Variants in PTPRD observed in about 807,000 individuals in gnomAD.
PTPRD encodes the protein protein tyrosine phosphatase receptor type D.
In PTPRD, 34 loss-of-function variants were observed where a neutral mutation model predicts 214.5. The ratio of observed to expected loss-of-function variants is 0.16; its 90% CI spans 0.12 to 0.21. The LOEUF is 0.21. Ranked by LOEUF, PTPRD falls within the 10% of genes least tolerant of loss-of-function variation. The probability of loss-of-function intolerance (pLI) is 1.00; values close to 1 mark genes in which losing one functional copy is unlikely to be tolerated. For missense variants in PTPRD, 2,545 were observed against 2,398.7 expected (o/e 1.06, Z -1.27); for synonymous variants, 1,128 against 845.7 (o/e 1.33, Z -5.79).
chr9:8,453,577 C>A (rs1257864199), intron 33 of PTPRD, among the ~76,000 whole-genome samples: 2 of 152,194 alleles, frequency 1.3e-5, no homozygotes, highest in East Asian at 1.9e-4. Flanking sequence ...CTAGAGATGT[C>A]CACACAAAGA....
chr9:10,167,547 A>G (rs2154294412), intron 3 of PTPRD, among the ~76,000 whole-genome samples: 1 of 152,284 alleles, frequency 6.6e-6, no homozygotes, highest in South Asian at 2.1e-4. Flanking sequence ...TCTTTTCTGA[A>G]CTGTAATTTT....
chr9:10,012,905 G>C (rs947169199), intron 4 of PTPRD, among the ~76,000 whole-genome samples: 6 of 151,716 alleles, frequency 4.0e-5, no homozygotes, highest in African/African-American at 1.5e-4. Flanking sequence ...AAATCAATGA[G>C]CATGAGATTA....
chr9:9,725,283 G>A (rs1328135668), intron 7 of PTPRD, among the ~76,000 whole-genome samples: 3 of 149,428 alleles, frequency 2.0e-5, no homozygotes, highest in Non-Finnish European at 3.0e-5. Context: ...GAGATCTGAC[G>A]GTATTAAAAA....
At chr9:8,425,536 C>T (rs1446703070) in intron 35 of PTPRD, among the ~76,000 whole-genome samples, 1 of 152,200 alleles carries the variant, frequency 6.6e-6, no homozygotes, top group Non-Finnish European at 1.5e-5. Flanking sequence ...ATGCACAGAT[C>T]CCTCAGCCTG....
intron 11 of PTPRD, among the ~76,000 whole-genome samples, chr9:8,740,234 T>G (rs2154444279): frequency 6.6e-6 from 1 of 152,266 alleles, no homozygotes; most frequent in East Asian, 1.9e-4. Flanking sequence ...AATATCCAAG[T>G]AGAAATAGTG....
chr9:9,869,137 G>A (rs1218773669), intron 5 of PTPRD, among the ~76,000 whole-genome samples: 1 of 152,086 alleles, frequency 6.6e-6, no homozygotes, highest in East Asian at 1.9e-4. Context: ...AATGAGGACA[G>A]ATACTTACTT....
chr9:10,295,311 C>G (rs1474958063), intron 3 of PTPRD, among the ~76,000 whole-genome samples: 3 of 152,070 alleles, frequency 2.0e-5, no homozygotes, highest in African/African-American at 4.8e-5. Context: ...AGCCATAACA[C>G]CTAAGCTTCA....
intron 10 of PTPRD, among the ~76,000 whole-genome samples, chr9:9,097,968 G>A (rs1236313132): frequency 6.6e-6 from 1 of 152,026 alleles, no homozygotes; most frequent in East Asian, 1.9e-4. Context: ...ATCCAGAGAG[G>A]GACCTGGAAT....
intron 5 of PTPRD, among the ~76,000 whole-genome samples, chr9:9,816,533 T>G (rs983371181): frequency 6.6e-6 from 1 of 152,058 alleles, no homozygotes; most frequent in Non-Finnish European, 1.5e-5. Context: ...GTTGAATATA[T>G]ATTTGAACAA....
At chr9:8,371,368 G>T (rs770738689) in intron 39 of PTPRD, among the ~76,000 whole-genome samples, 2 of 152,052 alleles carry the variant, frequency 1.3e-5, no homozygotes, top group Admixed American at 6.6e-5. Context: ...TGCTTACTAA[G>T]GTGTAAGAGC....
chr9:9,340,453 A>G (rs2046346937), intron 9 of PTPRD, among the ~76,000 whole-genome samples: 1 of 152,182 alleles, frequency 6.6e-6, no homozygotes, highest in African/African-American at 2.4e-5. Flanking sequence ...TATTACCAAA[A>G]ATTAGTTCAA....
At chr9:10,416,151 C>T (rs2098485006) in intron 2 of PTPRD, among the ~76,000 whole-genome samples, 1 of 151,368 alleles carries the variant, frequency 6.6e-6, no homozygotes, top group Non-Finnish European at 1.5e-5. Flanking sequence ...AGTTCAAGAT[C>T]AGCCTGGCCA....
chr9:10,146,148 T>C (rs2099020838), intron 3 of PTPRD, among the ~76,000 whole-genome samples: 1 of 89,944 alleles, frequency 1.1e-5, no homozygotes, highest in Non-Finnish European at 2.5e-5. Flanking sequence ...AGTGAAATCA[T>C]CCATATATAT....
At chr9:9,938,064 T>C (rs902280206) in intron 5 of PTPRD, among the ~76,000 whole-genome samples, 4 of 152,074 alleles carry the variant, frequency 2.6e-5, no homozygotes, top group Non-Finnish European at 4.4e-5. Flanking sequence ...ACTCTGGAAA[T>C]GACAAAACCT....
At chr9:9,812,475 G>A (rs2047441689) in intron 5 of PTPRD, among the ~76,000 whole-genome samples, 1 of 152,070 alleles carries the variant, frequency 6.6e-6, no homozygotes. Context: ...AAAGCGAAGG[G>A]ACAGAAAAAG....
chr9:9,515,291 T>C (rs1328000961), intron 8 of PTPRD, among the ~76,000 whole-genome samples: 2 of 152,150 alleles, frequency 1.3e-5, no homozygotes, highest in Non-Finnish European at 2.9e-5. Flanking sequence ...TCATGTTTTT[T>C]TATTTGTTTG....
chr9:9,088,502 C>A (rs1332162676), intron 10 of PTPRD, among the ~76,000 whole-genome samples: 3 of 142,970 alleles, frequency 2.1e-5, no homozygotes, highest in Non-Finnish European at 4.5e-5. Flanking sequence ...TTTGTTTGAA[C>A]CCAGGAGGTC....
chr9:9,409,099 T>C (rs1331742987), intron 8 of PTPRD, among the ~76,000 whole-genome samples: 1 of 151,992 alleles, frequency 6.6e-6, no homozygotes, highest in Non-Finnish European at 1.5e-5. Context: ...CTGACAAAGA[T>C]AGATGAGTAA....
chr9:10,129,582 G>A (rs939349969), intron 3 of PTPRD, among the ~76,000 whole-genome samples: 1 of 143,164 alleles, frequency 7.0e-6, no homozygotes, highest in Non-Finnish European at 1.5e-5. Flanking sequence ...CTACTATCAA[G>A]AAATCAGTTG....
Sources: allele counts gnomAD v4.1 joint callset (sites outside exome capture counted in the v4.1 genomes callset), GRCh38; gene constraint gnomAD v4.1.1; transcripts MANE v1.5; gene names NCBI Gene and HGNC (gene_info 2026-07-23, HGNC 2026-07-21).